TIAM1: variants seen among roughly 807,000 people sequenced by gnomAD.
The protein encoded by TIAM1 is rho guanine nucleotide exchange factor TIAM1.
In TIAM1, 65 loss-of-function variants were observed where a neutral mutation model predicts 163.5. That is an observed-to-expected ratio of 0.40 (90% CI 0.33 to 0.49). TIAM1 has a LOEUF of 0.49. Ranked by LOEUF, TIAM1 falls within the 20% of genes least tolerant of loss-of-function variation. The probability of loss-of-function intolerance (pLI) is 0.77; values close to 1 mark genes in which losing one functional copy is unlikely to be tolerated. For missense variants in TIAM1, 1,789 were observed against 2,044.7 expected, an observed-to-expected ratio of 0.87 and a Z score of 2.41; for synonymous variants, 833 against 810.1, an observed-to-expected ratio of 1.03 and a Z score of -0.48.
chr21:31,445,369 C>T (rs928525913), intron 2 of TIAM1, among the ~76,000 whole-genome samples: 1 of 152,140 alleles, frequency 6.6e-6, no homozygotes, highest in Non-Finnish European at 1.5e-5. Flanking sequence ...TGTTCTTTAA[C>T]CACAGTTCTT....
chr21:31,144,117 G>A (rs192878490), intron 20 of TIAM1, among the ~76,000 whole-genome samples: 1 of 152,184 alleles, frequency 6.6e-6, no homozygotes, highest in Non-Finnish European at 1.5e-5. Flanking sequence ...GCCCCATTAA[G>A]AGAACAGACT....
At chr21:31,182,278 A>C in intron 15 of TIAM1, 143 bp downstream of exon 15, 1 of 602,422 alleles carries the variant, frequency 1.7e-6, no homozygotes, top group Admixed American at 3.8e-5. Flanking sequence ...ATGCAGGGCC[A>C]GTCATCAGCC....
rs151096531 is a variant in TIAM1, at chr21:31,121,168, T to C, written c.4307-331A>G. On this transcript the variant is annotated intron_variant, in intron 27 of 27. Transcript: ENST00000541036. Reference sequence around the variant, plus strand: ...CTAGCCTGTGCACCTAAGAGATGGGTAACACAGACAGCAGCTGCTCTCAAG... The same window carrying C: ...CTAGCCTGTGCACCTAAGAGATGGGCAACACAGACAGCAGCTGCTCTCAAG... Among the ~76,000 whole-genome samples the C allele has an allele frequency of 2.6e-3, 396 of 152,208 alleles. 3 individuals are homozygous for C. Among genetic ancestry groups the C allele is most frequent in the Non-Finnish European group, 3.7e-3 (253 of 68,020 alleles).
In TIAM1 at chr21:31,229,657, C is replaced by CT. The variant is rs11296223; in HGVS notation, c.1585-3708dup. Reference sequence around the variant, plus strand: ...AGGGGAGTTCGTGTCTTCACCCCCCCTTTTTTTTTTGAGATGGAATCTTTC... The same window carrying CT: ...AGGGGAGTTCGTGTCTTCACCCCCCCTTTTTTTTTTTGAGATGGAATCTTTC... On this transcript the variant is annotated intron_variant, in intron 6 of 27. Coordinates refer to ENST00000541036, the MANE Select transcript of TIAM1 (RefSeq NM_001353694.2). Among the ~76,000 whole-genome samples the CT allele has an allele frequency of 1.6e-4, 24 of 148,070 alleles. No homozygotes were observed. In the East Asian group the frequency reaches 1.8e-3, roughly 11 times the overall value.
At chr21:31,271,554 C>A (rs368238078) in intron 3 of TIAM1, among the ~76,000 whole-genome samples, 1 of 152,104 alleles carries the variant, frequency 6.6e-6, no homozygotes, top group African/African-American at 2.4e-5. Context: ...CAGTGTGTTC[C>A]CCTCCCCACC....
chr21:31,283,991 C>T (rs1274043380), intron 2 of TIAM1, among the ~76,000 whole-genome samples: 2 of 152,160 alleles, frequency 1.3e-5, no homozygotes, highest in Non-Finnish European at 2.9e-5. Context: ...CAAAAAAGCA[C>T]GCTTACATCG....
intron 18 of TIAM1, 34 bp from the exon 19 acceptor site, chr21:31,152,795 T>C: frequency 5.0e-6 from 8 of 1,607,268 alleles, no homozygotes; most frequent in Non-Finnish European, 6.8e-6. Context: ...GCACCTCATA[T>C]CTCATTAGTC....
intron 1 of TIAM1, among the ~76,000 whole-genome samples, chr21:31,535,895 C>A (rs1180994287): frequency 1.3e-5 from 2 of 152,134 alleles, no homozygotes; most frequent in Non-Finnish European, 2.9e-5. Flanking sequence ...AGCAGCCATG[C>A]CAGGGACAGG....
intron 7 of TIAM1, among the ~76,000 whole-genome samples, chr21:31,225,261 A>G (rs2087884823): frequency 6.6e-6 from 1 of 152,076 alleles, no homozygotes; most frequent in Admixed American, 6.6e-5. Context: ...TCAGCCTCCC[A>G]AAGTGCTGGG....
At chr21:31,214,765 A>G (rs1400656575) in intron 9 of TIAM1, among the ~76,000 whole-genome samples, 2 of 152,144 alleles carry the variant, frequency 1.3e-5, no homozygotes, top group Non-Finnish European at 2.9e-5. Flanking sequence ...CCTCCATGCA[A>G]ATAAAATATA....
At chr21:31,182,953 T>C (rs1281770835) in intron 14 of TIAM1, among the ~76,000 whole-genome samples, 3 of 152,190 alleles carry the variant, frequency 2.0e-5, no homozygotes, top group Non-Finnish European at 2.9e-5. Context: ...TAATTCCGGT[T>C]ATCTTCCTAC....
At chr21:31,176,735 C>T (rs1374467525) in intron 15 of TIAM1, among the ~76,000 whole-genome samples, 2 of 152,000 alleles carry the variant, frequency 1.3e-5, no homozygotes, top group African/African-American at 4.8e-5. Flanking sequence ...CGTAAAATTC[C>T]AATTATCTTA....
intron 2 of TIAM1, among the ~76,000 whole-genome samples, chr21:31,406,664 A>G (rs1435679357): frequency 6.6e-6 from 1 of 152,196 alleles, no homozygotes; most frequent in East Asian, 1.9e-4. Context: ...CAGACAGAGA[A>G]AAGTCAGACC....
At position 31,273,495 on chromosome 21, in the gene TIAM1, C is replaced by T. The variant is rs140187769; in HGVS notation, c.-12+3237G>A. ...GACTAACCCCTGAGTGGCACAAAAA[C>T]GGGACAAACTCAAAGCAGTATACCA... On this transcript the variant is annotated intron_variant, in intron 3 of 27. Transcript: ENST00000541036. 5.1e-3 allele frequency among the ~76,000 whole-genome samples: 770 copies of T among 152,242 alleles called. 12 individuals carry two copies. The highest frequency in any genetic ancestry group is 0.042 in the South Asian group (203 of 4,818).
At chr21:31,402,440 T>C (rs1166419579) in intron 2 of TIAM1, among the ~76,000 whole-genome samples, 1 of 152,034 alleles carries the variant, frequency 6.6e-6, no homozygotes, top group Non-Finnish European at 1.5e-5. Context: ...ATTGACACTA[T>C]GGGGGCCTCT....
At chr21:31,202,570 T>C (rs772358614) in intron 12 of TIAM1, among the ~76,000 whole-genome samples, 3 of 152,078 alleles carry the variant, frequency 2.0e-5, no homozygotes, top group Non-Finnish European at 2.9e-5. Context: ...ATCCTGTCTC[T>C]AAACAACAAA....
rs1023027289 is a variant in TIAM1 at position 31,189,495 on chromosome 21, T to C, written c.2576-2408A>G. Among the ~76,000 whole-genome samples, 5 of 152,112 alleles carry C rather than the reference T, an allele frequency of 3.3e-5. No homozygotes were observed. In the South Asian group the frequency reaches 1.0e-3, roughly 32 times the overall value. On this transcript the variant is annotated intron_variant, in intron 13 of 27. Coordinates refer to ENST00000541036, the MANE Select transcript of TIAM1 (RefSeq NM_001353694.2). ...CTAGGTCTGAGAAACAGATCAGACA[T>C]CTCTAATTAGTGGGGAAATCTCTAT...
chr21:31,169,770 C>CA (rs949666301), intron 15 of TIAM1, among the ~76,000 whole-genome samples: 64 of 140,288 alleles, frequency 4.6e-4, no homozygotes, highest in East Asian at 3.7e-3. Context: ...TACTTGGGGG[C>CA]AAAAAAAAAA....
intron 15 of TIAM1, among the ~76,000 whole-genome samples, chr21:31,167,088 C>CTT (rs72031739): frequency 0.033 from 4,149 of 125,064 alleles, 355 homozygotes; most frequent in African/African-American, 0.13. Context: ...AAAGGATTTC[C>CTT]TTTTTTTTTT....
Sources: gnomAD v4.1 joint callset for allele counts (sites outside exome capture counted in the v4.1 genomes callset) on GRCh38, gnomAD v4.1.1 for gene constraint, MANE v1.5 for transcripts, NCBI Gene and HGNC (gene_info 2026-07-23, HGNC 2026-07-21) for gene names.